Variants in FAT3 observed in about 807,000 individuals in gnomAD.
FAT3 encodes the protein protocadherin Fat 3.
Under a neutral mutation model 310.2 loss-of-function variants are expected in FAT3, and 95 were observed. The ratio of observed to expected loss-of-function variants is 0.31; its 90% CI spans 0.26 to 0.36. FAT3 has a LOEUF of 0.36. Ranked by LOEUF, FAT3 falls within the 10% of genes least tolerant of loss-of-function variation. FAT3 has a pLI of 1.00. For synonymous variants in FAT3, 2,314 were observed against 2,192.9 expected, an observed-to-expected ratio of 1.06 and a Z score of -1.54; for missense variants, 5,408 against 5,715.6, an observed-to-expected ratio of 0.95 and a Z score of 1.74.
At chr11:92,257,835 C>T (rs1865375276) in intron 1 of FAT3, among the ~76,000 whole-genome samples, 1 of 152,110 alleles carries the variant, frequency 6.6e-6, no homozygotes, top group South Asian at 2.1e-4. Flanking sequence ...GAGCATTTTA[C>T]TTTTCCATGG....
At chr11:92,590,146 CAG>C (rs1000603105) in intron 3 of FAT3, among the ~76,000 whole-genome samples, 4 of 152,156 alleles carry the variant, frequency 2.6e-5, no homozygotes, top group African/African-American at 4.8e-5. Context: ...AAGGCTGACA[CAG>C]AGAATTTTCC....
rs2136418332 is a variant in FAT3 at position 92,883,353 on chromosome 11, C to T, written c.12897C>T (p.Cys4299=). 6.2e-7 allele frequency: 1 copy of T among 1,608,134 alleles called. No individual in the cohort carries two copies. The highest frequency in any genetic ancestry group is 8.5e-7 in the Non-Finnish European group (1 of 1,176,946). The change falls in exon 24 of 28, where the codon TGC becomes TGT. Residue 4299 remains cysteine (C), a synonymous_variant. Coordinates refer to ENST00000525166, the MANE Select transcript of FAT3 (RefSeq NM_001367949.2). This position sits in a 1 kb window ranked among gnomAD's most constrained non-coding sequence, Gnocchi z 4.2. ...LPAVSPCRSD[C]DSIRKNGWDA... is the part of the protein sequence containing the mutation. ...CCGTGTCACCCTGCCGCTCCGACTG[C>T]GACTCCATCCGGAAGAATGGCTGGG...
At chr11:92,428,786 T>A (rs1950697793) in intron 2 of FAT3, among the ~76,000 whole-genome samples, 1 of 152,148 alleles carries the variant, frequency 6.6e-6, no homozygotes, top group Admixed American at 6.6e-5. Flanking sequence ...CCGAGGAGTG[T>A]TGTACTTCCA....
intron 3 of FAT3, among the ~76,000 whole-genome samples, chr11:92,549,716 T>G (rs922476167): frequency 2.4e-4 from 36 of 152,242 alleles, no homozygotes; most frequent in African/African-American, 6.5e-4. Flanking sequence ...AGTTTGTCAT[T>G]GAAGAAATTA....
chr11:92,626,471 C>CT (rs72017730), intron 3 of FAT3, among the ~76,000 whole-genome samples: 42 of 145,504 alleles, frequency 2.9e-4, no homozygotes, highest in East Asian at 1.0e-3. Flanking sequence ...TAGCGTATCT[C>CT]TTTTTTTTTT....
At chr11:92,583,940 T>C (rs1018707974) in intron 3 of FAT3, among the ~76,000 whole-genome samples, 2 of 152,042 alleles carry the variant, frequency 1.3e-5, no homozygotes, top group African/African-American at 4.8e-5. Flanking sequence ...TTAAATTTCT[T>C]TTGGTACTAA....
intron 3 of FAT3, among the ~76,000 whole-genome samples, chr11:92,590,459 A>C (rs1409947474): frequency 6.6e-6 from 1 of 152,138 alleles, no homozygotes; most frequent in Non-Finnish European, 1.5e-5. Context: ...GTAGAGGCCA[A>C]ATTGTGGGTG....
At chr11:92,381,403 C>T (rs909839264) in intron 2 of FAT3, among the ~76,000 whole-genome samples, 7 of 152,114 alleles carry the variant, frequency 4.6e-5, no homozygotes, top group African/African-American at 1.7e-4. Flanking sequence ...CTCCTAGCTA[C>T]TTGGGAGGCT....
intron 3 of FAT3, among the ~76,000 whole-genome samples, chr11:92,678,114 A>G (rs1303981193): frequency 6.6e-6 from 1 of 152,116 alleles, no homozygotes; most frequent in African/African-American, 2.4e-5. Flanking sequence ...CACCCTGTGC[A>G]AATGTCTGGT....
chr11:92,659,765 G>A (rs1942714288), intron 3 of FAT3, among the ~76,000 whole-genome samples: 1 of 152,182 alleles, frequency 6.6e-6, no homozygotes, highest in African/African-American at 2.4e-5. Flanking sequence ...GATTGTCAGT[G>A]ATGAAGACAC....
intron 21 of FAT3, among the ~76,000 whole-genome samples, 173 bp from the exon 22 acceptor site, chr11:92,866,568 A>G (rs1431442922): frequency 6.6e-6 from 1 of 152,214 alleles, no homozygotes; most frequent in African/African-American, 2.4e-5. Context: ...ATGGCAGGTA[A>G]GGGGGAGGCA....
At chr11:92,583,562 T>TCTG (rs200482740) in intron 3 of FAT3, among the ~76,000 whole-genome samples, 1,650 of 151,970 alleles carry the variant, frequency 0.011, 29 homozygotes, top group African/African-American at 0.037. Flanking sequence ...TGTCCCCCAT[T>TCTG]CTGAGCCTTG....
At position 92,347,991 on chromosome 11, in the gene FAT3, G is replaced by A. The variant is rs138959498; in HGVS notation, c.-17-4105G>A. ...AAAAAAAACTTCAACAGTTGTCTTG[G>A]CATGCTAAAAAGAAAAGAAGACAAA... is the stretch of plus-strand genomic sequence containing the variant. On this transcript the variant is annotated intron_variant, in intron 1 of 27. Coordinates refer to ENST00000525166, the MANE Select transcript of FAT3 (RefSeq NM_001367949.2). Among the ~76,000 whole-genome samples, 284 of 152,164 alleles carry A rather than the reference G, an allele frequency of 1.9e-3. 1 individual carries two copies. The highest frequency in any genetic ancestry group is 6.5e-3 in the African/African-American group (271 of 41,496).
intron 3 of FAT3, among the ~76,000 whole-genome samples, chr11:92,531,215 C>T (rs1035976134): frequency 5.3e-5 from 8 of 152,204 alleles, no homozygotes; most frequent in Non-Finnish European, 7.3e-5. Context: ...TTTAATCCAA[C>T]AAGTCCAGTA....
chr11:92,369,440 C>G (rs1393456767), intron 2 of FAT3, among the ~76,000 whole-genome samples: 1 of 152,142 alleles, frequency 6.6e-6, no homozygotes, highest in Admixed American at 6.5e-5. Context: ...TGTTACTGAA[C>G]CAACAGACAA....
chr11:92,759,696 A>G (rs1946095284), intron 4 of FAT3, among the ~76,000 whole-genome samples: 2 of 152,098 alleles, frequency 1.3e-5, no homozygotes, highest in Non-Finnish European at 2.9e-5. Flanking sequence ...CAGCTACCAC[A>G]CTTCCCGCCT....
intron 6 of FAT3, among the ~76,000 whole-genome samples, chr11:92,766,106 C>A (rs1466322398): frequency 6.6e-6 from 1 of 152,146 alleles, no homozygotes; most frequent in Non-Finnish European, 1.5e-5. Flanking sequence ...CCCTGGGAGC[C>A]AACCTTTAAA....
chr11:92,676,109 G>C (rs1037640207), intron 3 of FAT3, among the ~76,000 whole-genome samples: 1 of 152,126 alleles, frequency 6.6e-6, no homozygotes, highest in Non-Finnish European at 1.5e-5. Flanking sequence ...AAAGCAGCGA[G>C]CAGCAAATAT....
At chr11:92,492,410 A>G (rs1952634124) in intron 2 of FAT3, among the ~76,000 whole-genome samples, 1 of 151,988 alleles carries the variant, frequency 6.6e-6, no homozygotes, top group African/African-American at 2.4e-5. Context: ...CAATTTCCAC[A>G]TCTTTAAAAT....
Sources: gnomAD v4.1 joint callset for allele counts (sites outside exome capture counted in the v4.1 genomes callset) on GRCh38, gnomAD v4.1.1 for gene constraint, Gnocchi (gnomAD v3.1) non-coding constraint, MANE v1.5 for transcripts, NCBI Gene and HGNC (gene_info 2026-07-23, HGNC 2026-07-21) for gene names.